CSMD1: variants seen among roughly 807,000 people sequenced by gnomAD.
CSMD1 encodes the protein CUB and Sushi multiple domains 1, also known as CUB and sushi domain-containing protein 1.
Under a neutral mutation model 417.5 loss-of-function variants are expected in CSMD1, and 213 were observed. The ratio of observed to expected loss-of-function variants is 0.51; its 90% CI spans 0.46 to 0.57. CSMD1 has a LOEUF of 0.57. Among genes scored for constraint, CSMD1 ranks in the 20% least tolerant of loss-of-function variants. The probability of loss-of-function intolerance (pLI) is 0.00; values close to 1 mark genes in which losing one functional copy is unlikely to be tolerated. For synonymous variants in CSMD1, 2,862 were observed against 1,736.8 expected, an observed-to-expected ratio of 1.65 and a Z score of -16.11; for missense variants, 6,923 against 4,529.7, an observed-to-expected ratio of 1.53 and a Z score of -15.17.
intron 2 of CSMD1, among the ~76,000 whole-genome samples, chr8:4,460,267 A>C (rs1031838028): frequency 2.6e-5 from 4 of 152,306 alleles, no homozygotes; most frequent in Non-Finnish European, 4.4e-5. Flanking sequence ...ATCACTAGGG[A>C]AATTTAAAAA....
At chr8:3,612,178 A>C (rs1121619) in intron 8 of CSMD1, among the ~76,000 whole-genome samples, 29 of 152,050 alleles carry the variant, frequency 1.9e-4, no homozygotes, top group African/African-American at 7.0e-4. Context: ...GACAAATTTG[A>C]TTTCAGAGTA....
chr8:3,343,477 C>G (rs1807794200), intron 22 of CSMD1, 27 bp from the exon 23 acceptor site: 2 of 1,595,874 alleles, frequency 1.3e-6, no homozygotes, highest in East Asian at 2.2e-5. Context: ...GCATGAGTCC[C>G]TCTATGCCTT....
chr8:4,160,679 A>G (rs1299417663), intron 3 of CSMD1, among the ~76,000 whole-genome samples: 5 of 152,204 alleles, frequency 3.3e-5, no homozygotes, highest in South Asian at 2.1e-4. Context: ...TGTCCACGCA[A>G]TGTCCCACAC....
intron 1 of CSMD1, among the ~76,000 whole-genome samples, chr8:4,778,983 T>C (rs1342046766): frequency 1.3e-5 from 2 of 152,190 alleles, no homozygotes; most frequent in African/African-American, 2.4e-5. Flanking sequence ...AAAGAATTGA[T>C]AGGTGGGTGT....
intron 33 of CSMD1, among the ~76,000 whole-genome samples, chr8:3,191,931 A>T (rs571731313): frequency 1.2e-4 from 19 of 152,288 alleles, no homozygotes; most frequent in South Asian, 8.3e-4. Flanking sequence ...ATGTTCTCGT[A>T]TATGAATTTT....
chr8:4,044,678 C>A (rs1024190103), intron 3 of CSMD1, among the ~76,000 whole-genome samples: 5 of 81,154 alleles, frequency 6.2e-5, no homozygotes, highest in East Asian at 3.2e-4. Flanking sequence ...ACCACCCTGG[C>A]CACCTACAAT....
Position 3,214,523 on chromosome 8 carries a change from C to A in CSMD1, c.4841G>T (p.Trp1614Leu). 1.3e-6 allele frequency: 2 copies of A among 1,599,566 alleles called. No individual in the cohort carries two copies. ...CVIGADGKPS[W>L]DQVLPSCNAP... is the part of the protein sequence containing the mutation. Reference sequence around the variant, plus strand: ...ATTGCAGGAGGGCAGCACTTGGTCCCAGGAGGGTTTCCCATCAGCCCCAAT... The same window carrying A: ...ATTGCAGGAGGGCAGCACTTGGTCCAAGGAGGGTTTCCCATCAGCCCCAAT... Residue 1614 changes from tryptophan (W) to leucine (L), a missense_variant, in exon 30 of 70, where the codon TGG (tryptophan) becomes TTG (leucine). By Grantham distance (61) the Trp-to-Leu change is moderately conservative (BLOSUM62 -2). Transcript: ENST00000635120.
chr8:3,278,930 G>T (rs528159918), intron 26 of CSMD1: 1 of 152,180 alleles, frequency 6.6e-6, no homozygotes, highest in Admixed American at 6.5e-5. Context: ...AACTGGGTCA[G>T]TTTCTTAATT....
chr8:3,723,918 T>C (rs995469064), intron 6 of CSMD1, among the ~76,000 whole-genome samples: 8 of 152,210 alleles, frequency 5.3e-5, no homozygotes, highest in Non-Finnish European at 8.8e-5. Context: ...TGGATGCAGA[T>C]TCCATTTTGT....
chr8:4,891,081 C>A (rs936457223), intron 1 of CSMD1, among the ~76,000 whole-genome samples: 32 of 152,190 alleles, frequency 2.1e-4, no homozygotes, highest in African/African-American at 7.5e-4. Context: ...AATAATGGGC[C>A]ATTTTCCAGC....
chr8:4,170,319 G>C (rs752391988), intron 3 of CSMD1, among the ~76,000 whole-genome samples: 1 of 151,870 alleles, frequency 6.6e-6, no homozygotes, highest in Non-Finnish European at 1.5e-5. Flanking sequence ...GATATAAAAA[G>C]TAACAAATTC....
At chr8:3,231,154 C>A (rs1304174792) in intron 26 of CSMD1, among the ~76,000 whole-genome samples, 1 of 152,102 alleles carries the variant, frequency 6.6e-6, no homozygotes, top group Non-Finnish European at 1.5e-5. Context: ...GTTGTTTTCT[C>A]CAGTTTCTAT....
chr8:3,926,120 C>CACACAAACACCAT (rs1809706086), intron 5 of CSMD1, among the ~76,000 whole-genome samples: 1 of 133,096 alleles, frequency 7.5e-6, no homozygotes, highest in Non-Finnish European at 1.6e-5. Context: ...CACACACACA[C>CACACAAACACCAT]ACACACACAC....
intron 10 of CSMD1, among the ~76,000 whole-genome samples, chr8:3,504,684 G>A (rs935919712): frequency 1.3e-5 from 2 of 152,066 alleles, no homozygotes; most frequent in Non-Finnish European, 2.9e-5. Context: ...CTTATCTTTT[G>A]AATTCCCGGC....
intron 1 of CSMD1, among the ~76,000 whole-genome samples, chr8:4,722,000 T>C (rs1809088717): frequency 6.6e-6 from 1 of 152,116 alleles, no homozygotes; most frequent in Non-Finnish European, 1.5e-5. Flanking sequence ...AGAACGATGG[T>C]TATTGGAGTG....
rs369076711 is a variant in CSMD1, at chr8:3,807,087, C to T, written c.819-53045G>A. ...TTATTACTATCCATGGCTTCCCCCA[C>T]GCACTGGGGGAAGGTTAAATTGACT... On this transcript the variant is annotated intron_variant, in intron 5 of 69. Coordinates refer to ENST00000635120, the MANE Select transcript of CSMD1 (RefSeq NM_033225.6). Among the ~76,000 whole-genome samples the T allele has an allele frequency of 3.3e-5, 5 of 152,084 alleles. No homozygotes were observed. In the South Asian group the frequency reaches 6.2e-4, roughly 19 times the overall value.
chr8:3,236,601 G>T (rs1799168441), intron 26 of CSMD1, among the ~76,000 whole-genome samples: 1 of 152,306 alleles, frequency 6.6e-6, no homozygotes, highest in South Asian at 2.1e-4. Context: ...CCACCCAGGG[G>T]CACTCCATTA....
chr8:3,700,522 G>A (rs1342393810), intron 7 of CSMD1: 1 of 152,272 alleles, frequency 6.6e-6, no homozygotes, highest in Non-Finnish European at 1.5e-5. Context: ...GAATGCACCT[G>A]ATCTCGGAAC....
intron 3 of CSMD1, among the ~76,000 whole-genome samples, chr8:4,170,216 G>A (rs969054179): frequency 1.3e-5 from 2 of 151,750 alleles, no homozygotes; most frequent in African/African-American, 4.9e-5. Context: ...AGAACTAGCT[G>A]TTATCTCTTC....
Sources: allele counts gnomAD v4.1 joint callset (sites outside exome capture counted in the v4.1 genomes callset), GRCh38; gene constraint gnomAD v4.1.1; transcripts MANE v1.5; gene names NCBI Gene and HGNC (gene_info 2026-07-23, HGNC 2026-07-21).